MARCHF1: variants seen among roughly 807,000 people sequenced by gnomAD.
MARCHF1 encodes the protein membrane associated ring-CH-type finger 1, also known as E3 ubiquitin-protein ligase MARCHF1.
MARCHF1 carries 40 observed loss-of-function variants against 54.2 expected under a neutral mutation model. That is an observed-to-expected ratio of 0.74 (90% CI 0.57 to 0.96). The LOEUF is 0.96. Among genes scored for constraint, MARCHF1 ranks in the 40% least tolerant of loss-of-function variants. The pLI is 0.00. For missense variants in MARCHF1, 586 were observed against 656.5 expected (o/e 0.89, Z 1.17); for synonymous variants, 236 against 236.3 (o/e 1.00, Z 0.01).
intron 8 of MARCHF1, among the ~76,000 whole-genome samples, chr4:163,546,574 C>T (rs750671667): frequency 1.3e-5 from 2 of 152,122 alleles, no homozygotes; most frequent in Non-Finnish European, 2.9e-5. Context: ...CCGAATGATA[C>T]CTGCAAGAGA....
intron 1 of MARCHF1, among the ~76,000 whole-genome samples, chr4:164,145,429 T>A (rs933991436): frequency 8.5e-5 from 13 of 152,138 alleles, no homozygotes; most frequent in African/African-American, 2.7e-4. Context: ...CTCAGTATAA[T>A]ACTGGCAAAA....
chr4:164,007,996 A>G (rs1753334039), intron 2 of MARCHF1, among the ~76,000 whole-genome samples: 1 of 152,138 alleles, frequency 6.6e-6, no homozygotes, highest in Non-Finnish European at 1.5e-5. Context: ...AATAACTCTG[A>G]ATGTAAATAG....
intron 1 of MARCHF1, among the ~76,000 whole-genome samples, chr4:164,274,867 G>A (rs578128474): frequency 6.7e-6 from 1 of 150,178 alleles, no homozygotes; most frequent in African/African-American, 2.4e-5. Context: ...TAGTAGAGAC[G>A]GGGTTTCACC....
chr4:164,131,227 G>A (rs1756294810), intron 1 of MARCHF1, among the ~76,000 whole-genome samples: 1 of 152,110 alleles, frequency 6.6e-6, no homozygotes, highest in Non-Finnish European at 1.5e-5. Flanking sequence ...CATGGAGCTA[G>A]AATGCCACTG....
chr4:164,225,116 C>A (rs879921221), intron 1 of MARCHF1, among the ~76,000 whole-genome samples: 3 of 152,052 alleles, frequency 2.0e-5, no homozygotes, highest in Non-Finnish European at 4.4e-5. Context: ...ATTTCACAAT[C>A]TACTCTGGAC....
intron 1 of MARCHF1, among the ~76,000 whole-genome samples, chr4:164,223,544 T>C (rs1439386768): frequency 6.6e-6 from 1 of 151,998 alleles, no homozygotes; most frequent in East Asian, 1.9e-4. Context: ...AAATCCAGTG[T>C]TTTAGTCAGA....
At position 164,363,544 on chromosome 4, in the gene MARCHF1, G is replaced by T. The variant is rs975808586; in HGVS notation, c.-323+20326C>A. ...GTCGATTGACGAAAAGGCATCCACA[G>T]GACCCTACGAGTAGAAAAGCCAACA... On this transcript the variant is annotated intron_variant, in intron 1 of 9. Transcript: ENST00000514618. 1.4e-4 allele frequency among the ~76,000 whole-genome samples: 21 copies of T among 152,068 alleles called. 1 individual carries two copies. Among genetic ancestry groups the T allele is most frequent in the Non-Finnish European group, 2.9e-5 (2 of 67,992 alleles).
intron 3 of MARCHF1, among the ~76,000 whole-genome samples, chr4:163,979,167 C>G (rs541077040): frequency 3.2e-5 from 2 of 62,318 alleles, no homozygotes; most frequent in Admixed American, 1.8e-4. Flanking sequence ...GCTATCCCCC[C>G]CCCTCCCCCC....
At chr4:163,985,246 C>A (rs963334302) in intron 3 of MARCHF1, among the ~76,000 whole-genome samples, 1 of 152,088 alleles carries the variant, frequency 6.6e-6, no homozygotes, top group Non-Finnish European at 1.5e-5. Flanking sequence ...TCTGCCAGGA[C>A]TGCAAGTCTA....
At chr4:163,605,601 G>A (rs894391980) in intron 7 of MARCHF1, among the ~76,000 whole-genome samples, 1 of 152,122 alleles carries the variant, frequency 6.6e-6, no homozygotes, top group Admixed American at 6.5e-5. Flanking sequence ...CAAGACACAT[G>A]CACATGTATG....
intron 1 of MARCHF1, among the ~76,000 whole-genome samples, chr4:164,204,614 T>C (rs535016265): frequency 6.6e-6 from 1 of 152,322 alleles, no homozygotes; most frequent in Middle Eastern, 3.4e-3. Flanking sequence ...ACTTTGTGCC[T>C]AATGAAATAT....
intron 1 of MARCHF1, among the ~76,000 whole-genome samples, chr4:164,157,848 A>C (rs1730118229): frequency 6.6e-6 from 1 of 152,140 alleles, no homozygotes; most frequent in Non-Finnish European, 1.5e-5. Context: ...TGGAGTTATG[A>C]TTACAACATA....
intron 2 of MARCHF1, among the ~76,000 whole-genome samples, chr4:163,996,633 A>T (rs1753081970): frequency 1.3e-5 from 2 of 152,172 alleles, no homozygotes; most frequent in African/African-American, 4.8e-5. Context: ...AATCTTCCCC[A>T]CCAATTCCTA....
intron 1 of MARCHF1, among the ~76,000 whole-genome samples, chr4:164,125,355 C>A (rs542226321): frequency 1.3e-5 from 2 of 152,186 alleles, no homozygotes; most frequent in South Asian, 4.1e-4. Context: ...ATATACATTT[C>A]ACCCAAAAGT....
At chr4:163,802,050 T>C (rs984791151) in intron 4 of MARCHF1, among the ~76,000 whole-genome samples, 2 of 152,166 alleles carry the variant, frequency 1.3e-5, no homozygotes. Context: ...CAGGAAACTG[T>C]TGAAGCATCA....
At chr4:163,678,251 G>A (rs1171716738) in intron 5 of MARCHF1, among the ~76,000 whole-genome samples, 1 of 152,158 alleles carries the variant, frequency 6.6e-6, no homozygotes, top group African/African-American at 2.4e-5. Flanking sequence ...AGGCCTGCCA[G>A]GTTAAAGCAA....
chr4:164,346,365 G>T (rs370412136), intron 1 of MARCHF1, among the ~76,000 whole-genome samples: 10 of 151,968 alleles, frequency 6.6e-5, no homozygotes, highest in African/African-American at 2.4e-4. Flanking sequence ...AGAAAAACTC[G>T]TATGCTTTGA....
chr4:164,320,675 A>G (rs1468684717), intron 1 of MARCHF1, among the ~76,000 whole-genome samples: 1 of 151,836 alleles, frequency 6.6e-6, no homozygotes, highest in Non-Finnish European at 1.5e-5. Flanking sequence ...TTACTACAAC[A>G]TGGGAATGAC....
rs1374434353 is a variant in MARCHF1, at chr4:163,658,584, T to C, written c.162+42229A>G. On this transcript the variant is annotated intron_variant, in intron 5 of 9. Coordinates refer to ENST00000514618, the MANE Select transcript of MARCHF1 (RefSeq NM_001394959.1). ...CAAAGGAATATAAATCATTCTACTA[T>C]CAAGACCATGGAATAATATACAGCC... is the stretch of plus-strand genomic sequence containing the variant. Among the ~76,000 whole-genome samples the C allele has an allele frequency of 2.0e-5, 3 of 151,934 alleles. No individual in the cohort carries two copies. In the South Asian group the frequency reaches 6.2e-4, roughly 32 times the overall value.
Sources: allele counts gnomAD v4.1 joint callset (sites outside exome capture counted in the v4.1 genomes callset), GRCh38; gene constraint gnomAD v4.1.1; transcripts MANE v1.5; gene names NCBI Gene and HGNC (gene_info 2026-07-23, HGNC 2026-07-21).